The following CADM1 variants were observed in gnomAD, a reference collection of about 807,000 sequenced individuals.
CADM1 encodes the protein cell adhesion molecule 1, also known as TSLC-1.
In CADM1, 15 loss-of-function variants were observed where a neutral mutation model predicts 53.1. The ratio of observed to expected loss-of-function variants is 0.28; its 90% CI spans 0.19 to 0.44. The LOEUF is 0.44. CADM1 is among the 20% of genes least tolerant of loss of function. CADM1 has a pLI of 1.00. For missense variants in CADM1, 434 were observed against 611.3 expected (o/e 0.71, Z 3.06); for synonymous variants, 281 against 243.0 (o/e 1.16, Z -1.45).
intron 1 of CADM1, among the ~76,000 whole-genome samples, chr11:115,325,863 T>C (rs1944946670): frequency 6.6e-6 from 1 of 152,220 alleles, no homozygotes; most frequent in Admixed American, 6.5e-5. Context: ...CAGGCATTCA[T>C]TACACATGGA....
At chr11:115,276,888 C>A (rs1591663712) in intron 1 of CADM1, among the ~76,000 whole-genome samples, 1 of 152,130 alleles carries the variant, frequency 6.6e-6, no homozygotes, top group East Asian at 1.9e-4. Flanking sequence ...ATACTGTCAT[C>A]TGTCCCCTGT....
At chr11:115,314,134 A>AG (rs1319694075) in intron 1 of CADM1, among the ~76,000 whole-genome samples, 6 of 50 alleles carry the variant, frequency 0.12, no homozygotes, top group Non-Finnish European at 0.23. Flanking sequence ...CTAGTACCCC[A>AG]GGAAAACCTG....
intron 1 of CADM1, among the ~76,000 whole-genome samples, chr11:115,262,382 A>G (rs1943002261): frequency 6.6e-6 from 1 of 152,240 alleles, no homozygotes; most frequent in South Asian, 2.1e-4. Flanking sequence ...CATAGAAAAC[A>G]CTGAACACAC....
In CADM1 at chr11:115,461,845, G is replaced by A. The variant is rs543369845; in HGVS notation, c.124+42426C>T. Among the ~76,000 whole-genome samples, 40 of 152,194 alleles carry A rather than the reference G, an allele frequency of 2.6e-4. No homozygotes were observed. The South Asian group carries it at 7.7e-3, about 29-fold the overall frequency. ...GCAGGGGGACTCCCAGGGGTAGCAGGAACAGCAGGTAGTTGACAATGCAGT... is the reference window on the plus strand; with the variant it reads ...GCAGGGGGACTCCCAGGGGTAGCAGAAACAGCAGGTAGTTGACAATGCAGT... On this transcript the variant is annotated intron_variant, in intron 1 of 11. Transcript: ENST00000331581.
intron 9 of CADM1, among the ~76,000 whole-genome samples, chr11:115,193,084 A>T (rs551753695): frequency 6.6e-6 from 1 of 152,352 alleles, no homozygotes; most frequent in African/African-American, 2.4e-5. Flanking sequence ...AGCAAAATTT[A>T]TCTCCTAAAA....
intron 1 of CADM1, among the ~76,000 whole-genome samples, chr11:115,416,962 T>C (rs1159235625): frequency 6.6e-6 from 1 of 152,204 alleles, no homozygotes; most frequent in Admixed American, 6.5e-5. Context: ...AAAAGCATTT[T>C]CAGTAAGTTG....
chr11:115,304,671 C>CTGTTTGTGGT, intron 1 of CADM1, among the ~76,000 whole-genome samples: 1 of 152,126 alleles, frequency 6.6e-6, no homozygotes, highest in East Asian at 1.9e-4. Flanking sequence ...GATTGGATAT[C>CTGTTTGTGGT]ATACCACAAA....
intron 1 of CADM1, among the ~76,000 whole-genome samples, chr11:115,311,244 T>A (rs1468968870): frequency 6.6e-6 from 1 of 152,102 alleles, no homozygotes; most frequent in Admixed American, 6.6e-5. Flanking sequence ...TTTTAAAAGA[T>A]TTAATAATCA....
intron 1 of CADM1, chr11:115,333,626 A>G (rs1182310772): frequency 6.6e-6 from 1 of 152,088 alleles, no homozygotes; most frequent in Non-Finnish European, 1.5e-5. Flanking sequence ...TAGGTATTTT[A>G]TTATTTTCAC....
At chr11:115,386,071 C>A (rs1445842557) in intron 1 of CADM1, among the ~76,000 whole-genome samples, 1 of 152,214 alleles carries the variant, frequency 6.6e-6, no homozygotes, top group Non-Finnish European at 1.5e-5. Flanking sequence ...TGTTGCCACC[C>A]TTAATTCTAC....
chr11:115,334,469 A>G (rs901113736), intron 1 of CADM1, among the ~76,000 whole-genome samples: 5 of 152,084 alleles, frequency 3.3e-5, no homozygotes, highest in Non-Finnish European at 7.4e-5. Flanking sequence ...GTACTCATCA[A>G]TTGATGAGTA....
chr11:115,237,737 T>C (rs1362654861), intron 3 of CADM1, among the ~76,000 whole-genome samples: 1 of 152,162 alleles, frequency 6.6e-6, no homozygotes, highest in Non-Finnish European at 1.5e-5. Flanking sequence ...AGTAAGCTTG[T>C]CTAAAGGTGA....
At chr11:115,227,661 T>G (rs924407730) in intron 5 of CADM1, among the ~76,000 whole-genome samples, 7 of 152,154 alleles carry the variant, frequency 4.6e-5, no homozygotes, top group Admixed American at 6.6e-5. Context: ...ATAGTTTTAG[T>G]GATATGAAAA....
At chr11:115,263,754 A>G (rs1565332396) in intron 1 of CADM1, among the ~76,000 whole-genome samples, 1 of 152,210 alleles carries the variant, frequency 6.6e-6, no homozygotes, top group African/African-American at 2.4e-5. Context: ...ACTTAAAACT[A>G]AGTTATCAAG....
chr11:115,289,762 A>AT (rs1370647184), intron 1 of CADM1, among the ~76,000 whole-genome samples: 2 of 151,520 alleles, frequency 1.3e-5, no homozygotes, highest in Non-Finnish European at 2.9e-5. Flanking sequence ...CGCCCAGCTA[A>AT]TTTTTTGTAT....
At chr11:115,445,305 T>C (rs1199015930) in intron 1 of CADM1, among the ~76,000 whole-genome samples, 1 of 152,094 alleles carries the variant, frequency 6.6e-6, no homozygotes, top group African/African-American at 2.4e-5. Context: ...AGACCACTAC[T>C]TCCCCACTTA....
In CADM1 at chr11:115,198,401, C is replaced by T. The variant is rs1341683231; in HGVS notation, c.1111+5G>A. Reference sequence around the variant, plus strand: ...AAAGTAGATAAACAGTAATGTGATACCAACCGTGAACTGCTGGTTCTGTCG... The same window carrying T: ...AAAGTAGATAAACAGTAATGTGATATCAACCGTGAACTGCTGGTTCTGTCG... On this transcript the variant is annotated splice_donor_5th_base_variant and intron_variant, in intron 9 of 11. Transcript: ENST00000331581. 1 of 1,593,260 alleles carries T rather than the reference C, an allele frequency of 6.3e-7. No homozygotes were observed. The highest frequency in any genetic ancestry group is 8.5e-7 in the Non-Finnish European group (1 of 1,177,130).
chr11:115,200,043 T>A (rs1020556953), intron 8 of CADM1, among the ~76,000 whole-genome samples: 3 of 152,156 alleles, frequency 2.0e-5, no homozygotes, highest in African/African-American at 7.2e-5. Context: ...TTCCAGAGGA[T>A]CCTATACCAT....
At chr11:115,294,448 C>A (rs1037225749) in intron 1 of CADM1, among the ~76,000 whole-genome samples, 1 of 152,136 alleles carries the variant, frequency 6.6e-6, no homozygotes, top group Non-Finnish European at 1.5e-5. Flanking sequence ...TCTCATCTAC[C>A]GCCATCTCTT....
Sources: gnomAD v4.1 joint callset for allele counts (sites outside exome capture counted in the v4.1 genomes callset) on GRCh38, gnomAD v4.1.1 for gene constraint, MANE v1.5 for transcripts, NCBI Gene and HGNC (gene_info 2026-07-23, HGNC 2026-07-21) for gene names.